Variants in LIM2 observed in about 807,000 individuals in gnomAD.
LIM2 encodes the protein lens intrinsic membrane protein 2.
LIM2 carries 14 observed loss-of-function variants against 19.0 expected under a neutral mutation model. That is an observed-to-expected ratio of 0.74 (90% CI 0.49 to 1.15). The LOEUF (loss-of-function observed/expected upper bound fraction) is 1.15. LIM2 is among the 50% of genes most tolerant of loss of function. The pLI is 0.00. For missense variants in LIM2, 230 were observed against 243.5 expected (o/e 0.94, Z 0.37); for synonymous variants, 78 against 89.6 (o/e 0.87, Z 0.73).
At chr19:51,383,027 CTTTTTTTT>C (rs1163859181) in intron 2 of LIM2, among the ~76,000 whole-genome samples, 3 of 88,308 alleles carry the variant, frequency 3.4e-5, no homozygotes, top group East Asian at 3.6e-4. Context: ...TTTTTCTTTT[CTTTTTTTT>C]TTTTTTTTTT....
intron 2 of LIM2, 30 bp from the exon 3 acceptor site, chr19:51,382,597 A>G: frequency 6.2e-7 from 1 of 1,612,176 alleles, no homozygotes; most frequent in Non-Finnish European, 8.5e-7. Flanking sequence ...TCATTCCCAC[A>G]CCTCCCCTGC....
intron 3 of LIM2, 86 bp from the exon 4 acceptor site, chr19:51,380,725 G>T: frequency 1.4e-5 from 16 of 1,156,202 alleles, no homozygotes; most frequent in Non-Finnish European, 1.7e-5. Context: ...ATGGGGGTGG[G>T]AACTAAGATT....
chr19:51,382,840 C>T (rs1217628061), intron 2 of LIM2, among the ~76,000 whole-genome samples: 1 of 152,000 alleles, frequency 6.6e-6, no homozygotes, highest in Non-Finnish European at 1.5e-5. Context: ...TCTGTCTCCC[C>T]CTCCAGCCTG....
At chr19:51,385,271 C>T (rs1315149321) in intron 2 of LIM2, among the ~76,000 whole-genome samples, 2 of 152,140 alleles carry the variant, frequency 1.3e-5, no homozygotes, top group Non-Finnish European at 2.9e-5. Context: ...CCTATAATCC[C>T]AGCACTTTGG....
Position 51,382,581 on chromosome 19 carries a change from C to A in LIM2, c.176-14G>T. ...CATTCCAGTATGCTGTGGGAGCACCCCATGGTCATTCCCACACCTCCCCTG... is the reference window on the plus strand; with the variant it reads ...CATTCCAGTATGCTGTGGGAGCACCACATGGTCATTCCCACACCTCCCCTG... On this transcript the variant is annotated splice_polypyrimidine_tract_variant and intron_variant, in intron 2 of 4. Transcript: ENST00000596399. 6.2e-7 allele frequency: 1 copy of A among 1,612,900 alleles called. No individual in the cohort carries two copies.
chr19:51,380,019 T>C lies in LIM2; in HGVS notation c.*182A>G. ...CTTGAGTCTTCTCAGCTCCCTCCCATGGGCCCTATTCTTCCTCCTTCCAGC... is the reference window on the plus strand; with the variant it reads ...CTTGAGTCTTCTCAGCTCCCTCCCACGGGCCCTATTCTTCCTCCTTCCAGC... On this transcript the variant is annotated 3_prime_UTR_variant, in exon 5 of 5. Transcript: ENST00000596399. 1 of 640,784 alleles carries C rather than the reference T, an allele frequency of 1.6e-6. No individual in the cohort carries two copies. The highest frequency in any genetic ancestry group is 2.8e-6 in the Non-Finnish European group (1 of 358,440). 39.7% of individuals were successfully genotyped at this position (640,784 alleles called of 1,614,324 possible).
At chr19:51,382,724 C>T (rs776110710) in intron 2 of LIM2, among the ~76,000 whole-genome samples, 157 bp from the exon 3 acceptor site, 41 of 152,146 alleles carry the variant, frequency 2.7e-4, no homozygotes, top group Non-Finnish European at 5.1e-4. Context: ...TGGCAAACTC[C>T]TACTCATCCT....
intron 2 of LIM2, among the ~76,000 whole-genome samples, chr19:51,386,527 TATA>T (rs1568482369): frequency 6.7e-6 from 1 of 148,456 alleles, no homozygotes. Flanking sequence ...TAATTTATTA[TATA>T]ATGTCATGAC....
intron 3 of LIM2, 110 bp from the exon 4 acceptor site, chr19:51,380,749 G>C: frequency 1.0e-6 from 1 of 964,822 alleles, no homozygotes; most frequent in South Asian, 1.4e-5. Context: ...GAAAGGGGTG[G>C]AAATGGGTTG....
chr19:51,380,496 C>T lies in LIM2; in HGVS notation c.460+9G>A, dbSNP rs1568480003. On this transcript the variant is annotated intron_variant, in intron 4 of 4. Coordinates refer to ENST00000596399, the MANE Select transcript of LIM2 (RefSeq NM_001161748.2). ...AGGCACTGACCTTCCCACCCCTTGC[C>T]CCCAGTACCTGCGAAGAACGTCATG... 1.9e-6 allele frequency: 3 copies of T among 1,614,176 alleles called. No homozygotes were observed. The highest frequency in any genetic ancestry group is 2.2e-5 in the East Asian group (1 of 44,880).
chr19:51,383,628 G>T (rs936422982), intron 2 of LIM2, among the ~76,000 whole-genome samples: 2 of 152,122 alleles, frequency 1.3e-5, no homozygotes, highest in Non-Finnish European at 2.9e-5. Flanking sequence ...CTTTAGCAAC[G>T]GCTAACTATA....
At chr19:51,383,627 C>T (rs1215838587) in intron 2 of LIM2, among the ~76,000 whole-genome samples, 3 of 152,202 alleles carry the variant, frequency 2.0e-5, no homozygotes, top group Non-Finnish European at 2.9e-5. Flanking sequence ...CCTTTAGCAA[C>T]GGCTAACTAT....
intron 1 of LIM2, 135 bp from the exon 2 acceptor site, chr19:51,387,584 C>G: frequency 6.9e-6 from 9 of 1,312,670 alleles, no homozygotes; most frequent in Non-Finnish European, 9.5e-6. Flanking sequence ...CGCCTGGGTC[C>G]TGGGCGAGGA....
intron 3 of LIM2, 55 bp downstream of exon 3, chr19:51,382,363 T>C (rs1369544935): frequency 1.3e-5 from 21 of 1,594,258 alleles, no homozygotes; most frequent in Non-Finnish European, 1.6e-5. Context: ...TGGGGACAGA[T>C]TGGGGTTTGA....
In LIM2 at chr19:51,381,800, A is replaced by G. The variant is rs992516712; in HGVS notation, c.325+618T>C. ...GAGTGCAGTGGCACAATCCCAGCTC[A>G]CTGCAAGCTCCGCCTCCTGAGTTCA... On this transcript the variant is annotated intron_variant, in intron 3 of 4. Coordinates refer to ENST00000596399, the MANE Select transcript of LIM2 (RefSeq NM_001161748.2). Among the ~76,000 whole-genome samples, 55 of 152,178 alleles carry G rather than the reference A, an allele frequency of 3.6e-4. 2 individuals are homozygous for G. The highest frequency in any genetic ancestry group is 7.3e-5 in the Non-Finnish European group (5 of 68,036).
rs189759947 is a variant in LIM2 at position 51,383,324 on chromosome 19, T to C, written c.176-757A>G. Among the ~76,000 whole-genome samples, 655 of 152,284 alleles carry C rather than the reference T, an allele frequency of 4.3e-3. 5 individuals are homozygous for C. Among genetic ancestry groups the C allele is most frequent in the Non-Finnish European group, 7.4e-3 (501 of 68,008 alleles). ...TGCTGAGATTACAGGTGTGAGCCAC[T>C]GCGCCCAGCCTACTCTTTCATTTAT... On this transcript the variant is annotated intron_variant, in intron 2 of 4. Transcript: ENST00000596399.
intron 1 of LIM2, 70 bp from the exon 2 acceptor site, chr19:51,387,519 A>AG (rs1987106183): frequency 6.2e-7 from 1 of 1,601,310 alleles, no homozygotes; most frequent in East Asian, 2.2e-5. Context: ...CTGGGGGGAG[A>AG]GAGGGCTCAG....
chr19:51,382,660 A>G, intron 2 of LIM2, 93 bp from the exon 3 acceptor site: 1 of 1,544,292 alleles, frequency 6.5e-7, no homozygotes, highest in Non-Finnish European at 8.9e-7. Context: ...GCCCCTTTCC[A>G]TATCCCTAAC....
In LIM2 at chr19:51,380,236, C is replaced by T. The variant is rs574581011; in HGVS notation, c.487G>A (p.Val163Met). The change falls in exon 5 of 5, where the codon GTG becomes ATG. Residue 163 changes from valine to methionine, a missense_variant. Coordinates refer to ENST00000596399, the MANE Select transcript of LIM2 (RefSeq NM_001161748.2). ...AGIFYMCAYR[V>M]HECRRLSTPR ...GTAGACAGGCGCCGGCATTCATGCA[C>T]CCGGTAGGCGCACATGTAGAAAATC... 3.4e-5 allele frequency: 55 copies of T among 1,613,740 alleles called. No individual in the cohort carries two copies. In the South Asian group the frequency reaches 4.8e-4, roughly 14 times the overall value.
Sources: allele counts gnomAD v4.1 joint callset (sites outside exome capture counted in the v4.1 genomes callset), GRCh38; gene constraint gnomAD v4.1.1; transcripts MANE v1.5; gene names NCBI Gene and HGNC (gene_info 2026-07-23, HGNC 2026-07-21).